PLAC1: variants seen among roughly 807,000 people sequenced by gnomAD.
The protein encoded by PLAC1 is placenta-specific protein 1.
For missense variants in PLAC1, 136 were observed against 163.2 expected (o/e 0.83, Z 0.91); for synonymous variants, 68 against 62.1 (o/e 1.09, Z -0.44).
intron 1 of PLAC1, among the ~76,000 whole-genome samples, chrX:134,645,958 G>T (rs113147726): frequency 8.9e-6 from 1 of 111,836 alleles, no homozygotes; most frequent in Admixed American, 9.5e-5. Context: ...GACCAGGCCA[G>T]ATTTTGTTAG....
chrX:134,647,452 T>TGTGTGTGTGTG, intron 1 of PLAC1, among the ~76,000 whole-genome samples: 2 of 81,669 alleles, frequency 2.4e-5, no homozygotes, highest in African/African-American at 1.1e-4. Context: ...GTGTGTGTGT[T>TGTGTGTGTGTG]GGAGGGGTCC....
intron 2 of PLAC1, among the ~76,000 whole-genome samples, chrX:134,580,134 C>G (rs1292456863): frequency 8.9e-6 from 1 of 111,835 alleles, no homozygotes; most frequent in Non-Finnish European, 1.9e-5. Flanking sequence ...TTCTATATGC[C>G]CTCAAAAATA....
At position 134,566,574 on chromosome X, in the gene PLAC1, C is replaced by T. The variant is rs2077876570; in HGVS notation, c.109G>A (p.Val37Ile). ...TVLCSIDWFMVTVHPFMLNND... is the reference protein window; with the variant it reads ...TVLCSIDWFMITVHPFMLNND... ...TTTAGCATGAAGGGGTGCACTGTGA[C>T]CATGAACCAGTCTATGGAGCACAGC... The change falls in exon 3 of 3, where the codon GTC becomes ATC. Residue 37 changes from valine (V) to isoleucine (I), a missense_variant. Transcript: ENST00000359237. The T allele has an allele frequency of 8.3e-7, 1 of 1,209,676 alleles. No individual in the cohort carries two copies. The highest frequency in any genetic ancestry group is 1.1e-6 in the Non-Finnish European group (1 of 894,833).
At chrX:134,751,228 C>T (rs1166125160) in intron 1 of PLAC1, among the ~76,000 whole-genome samples, 6 of 108,490 alleles carry the variant, frequency 5.5e-5, no homozygotes, top group Admixed American at 4.1e-4. Context: ...TCAACAGCCA[C>T]GTGGTGCTGG....
intron 1 of PLAC1, among the ~76,000 whole-genome samples, chrX:134,622,554 T>C (rs1190788212): frequency 9.0e-6 from 1 of 111,110 alleles, no homozygotes; most frequent in Non-Finnish European, 1.9e-5. Flanking sequence ...TGGATACTGC[T>C]CAACACCTTC....
At chrX:134,644,509 TG>T (rs1484508128) in intron 1 of PLAC1, among the ~76,000 whole-genome samples, 1 of 110,665 alleles carries the variant, frequency 9.0e-6, no homozygotes, top group Non-Finnish European at 1.9e-5. Flanking sequence ...GGTAAACGTG[TG>T]CCATGGTGGT....
chrX:134,648,454 G>C (rs2078345532), intron 1 of PLAC1, among the ~76,000 whole-genome samples: 1 of 112,273 alleles, frequency 8.9e-6, no homozygotes, highest in South Asian at 3.7e-4. Flanking sequence ...GGGAGGCCGA[G>C]GTGGGTGGAT....
intron 1 of PLAC1, among the ~76,000 whole-genome samples, chrX:134,630,159 C>T (rs1045715364): frequency 1.8e-5 from 2 of 109,833 alleles, no homozygotes; most frequent in East Asian, 2.9e-4. Flanking sequence ...TTAGTAGAGA[C>T]GCGGTTTCTC....
At chrX:134,662,843 T>C (rs1259205499), upstream of PLAC1, among the ~76,000 whole-genome samples, 1 of 111,619 alleles carries the variant, frequency 9.0e-6, no homozygotes, top group East Asian at 2.8e-4. Flanking sequence ...GCAGGAGAAT[T>C]GCTTGAACTT....
chrX:134,726,706 C>A (rs2078675386), intron 2 of PLAC1, among the ~76,000 whole-genome samples: 1 of 107,807 alleles, frequency 9.3e-6, no homozygotes, highest in Admixed American at 9.9e-5. Context: ...GCCTGTAGTC[C>A]CAGCTACTCA....
chrX:134,633,046 C>T (rs1569393681), intron 1 of PLAC1, among the ~76,000 whole-genome samples: 1 of 112,189 alleles, frequency 8.9e-6, no homozygotes, highest in East Asian at 2.8e-4. Flanking sequence ...TTCAGCTTTG[C>T]TCTTGCCCCA....
At chrX:134,675,215 A>C (rs1333793759) in intron 2 of PLAC1, among the ~76,000 whole-genome samples, 4 of 112,303 alleles carry the variant, frequency 3.6e-5, no homozygotes, top group Non-Finnish European at 7.5e-5. Flanking sequence ...AAAGTAAGCT[A>C]TTACACCTGG....
intron 2 of PLAC1, among the ~76,000 whole-genome samples, chrX:134,730,092 C>A (rs2147842559): frequency 8.9e-6 from 1 of 111,846 alleles, no homozygotes; most frequent in African/African-American, 3.2e-5. Context: ...CACCTGGCCC[C>A]AGAGAGACAG....
At chrX:134,693,786 T>C (rs1005635458) in intron 2 of PLAC1, among the ~76,000 whole-genome samples, 2 of 111,753 alleles carry the variant, frequency 1.8e-5, no homozygotes, top group Admixed American at 9.5e-5. Flanking sequence ...TGGAGTTAAA[T>C]TGAGTTGAGA....
chrX:134,706,985 G>A (rs1340238811), intron 2 of PLAC1, among the ~76,000 whole-genome samples: 1 of 112,078 alleles, frequency 8.9e-6, no homozygotes, highest in Non-Finnish European at 1.9e-5. Context: ...GGAATAAAAG[G>A]TGAGGCTGAA....
intron 2 of PLAC1, among the ~76,000 whole-genome samples, chrX:134,577,750 CGTGT>C (rs750817404): frequency 0.048 from 4,492 of 94,013 alleles, 219 homozygotes; most frequent in African/African-American, 0.15. Context: ...TGCATGCATG[CGTGT>C]GTGTGTGTGT....
At position 134,566,100 on chromosome X, in the gene PLAC1, G is replaced by C; in HGVS notation, c.583C>G (p.Leu195Val). The C allele has an allele frequency of 1.7e-6, 2 of 1,209,804 alleles. No homozygotes were observed. The highest frequency in any genetic ancestry group is 1.1e-6 in the Non-Finnish European group (1 of 893,639). ...AGAGACCAATCCTCAGAAATATCAAGAAAGTGAGATGGCTGCAGAGGTTGA... is the reference window on the plus strand; with the variant it reads ...AGAGACCAATCCTCAGAAATATCAACAAAGTGAGATGGCTGCAGAGGTTGA... Reference protein sequence around the residue: ...EAQPLQPSHFLDISEDWSLHT... With the variant: ...EAQPLQPSHFVDISEDWSLHT... Residue 195 changes from leucine (L) to valine (V), a missense_variant, in exon 3 of 3, where the codon CTT (leucine) becomes GTT (valine). Transcript: ENST00000359237.
intron 2 of PLAC1, among the ~76,000 whole-genome samples, chrX:134,583,264 A>C (rs369034350): frequency 1.6e-3 from 91 of 55,469 alleles, no homozygotes; most frequent in Admixed American, 1.7e-3. Flanking sequence ...GTTTTGTTTT[A>C]ATTTTTTTGT....
intron 1 of PLAC1, among the ~76,000 whole-genome samples, chrX:134,745,374 T>C (rs1195644961): frequency 9.0e-6 from 1 of 111,478 alleles, no homozygotes; most frequent in African/African-American, 3.3e-5. Flanking sequence ...TCCAGAGACA[T>C]GGCATCACCA....
Sources: allele counts gnomAD v4.1 joint callset (sites outside exome capture counted in the v4.1 genomes callset), GRCh38; gene constraint gnomAD v4.1.1; transcripts MANE v1.5; gene names NCBI Gene and HGNC (gene_info 2026-07-23, HGNC 2026-07-21).